Variants in ABCD4 observed in about 807,000 individuals in gnomAD.
ABCD4 encodes the protein ATP binding cassette subfamily D member 4, also known as lysosomal cobalamin transporter ABCD4.
In ABCD4, 53 loss-of-function variants were observed where a neutral mutation model predicts 86.3. The observed-to-expected ratio is 0.61, with a 90% CI of 0.49 to 0.77. The LOEUF (loss-of-function observed/expected upper bound fraction) is 0.77, where lower values mean the gene tolerates loss of function less well. ABCD4 is among the 30% of genes least tolerant of loss of function. ABCD4 has a pLI of 0.00. For missense variants in ABCD4, 757 were observed against 764.5 expected, an observed-to-expected ratio of 0.99 and a Z score of 0.12; for synonymous variants, 328 against 313.6, an observed-to-expected ratio of 1.05 and a Z score of -0.49.
At chr14:74,287,932 G>C (rs1323700497) in intron 16 of ABCD4, 46 bp from the exon 17 acceptor site, 3 of 1,548,904 alleles carry the variant, frequency 1.9e-6, no homozygotes, top group Non-Finnish European at 2.7e-6. Context: ...GAAGAATATA[G>C]CTTGGCTTTT....
At chr14:74,287,724 T>C in intron 17 of ABCD4, 86 bp downstream of exon 17, 6 of 1,261,150 alleles carry the variant, frequency 4.8e-6, no homozygotes, top group Non-Finnish European at 6.8e-6. Context: ...CATTCACAGG[T>C]GTGCCTGGGT....
rs776529140 is a variant in ABCD4, at chr14:74,297,932, G to A, written c.423C>T (p.Asn141=). Residue 141 remains asparagine (N), a splice_region_variant and synonymous_variant, in exon 4 of 19, where the codon AAC becomes AAT. Coordinates refer to ENST00000356924, the MANE Select transcript of ABCD4 (RefSeq NM_005050.4). ...TLNVLRDDID[N]PDQRISQDVE... is the part of the protein sequence containing the mutation. ...AAGGACTGAGTTGGGGCGCCTACGG[G>A]TTATCGATGTCATCCCGCAGCACGT... 2.5e-6 allele frequency: 4 copies of A among 1,613,160 alleles called. No individual in the cohort carries two copies. The highest frequency in any genetic ancestry group is 3.4e-6 in the Non-Finnish European group (4 of 1,179,722).
chr14:74,302,326 A>G (rs1012371037), intron 1 of ABCD4, among the ~76,000 whole-genome samples: 2 of 152,232 alleles, frequency 1.3e-5, no homozygotes, highest in African/African-American at 2.4e-5. Context: ...AATGTTGAGG[A>G]AAAAGGTTTA....
Position 74,290,494 on chromosome 14 carries a change from G to A in ABCD4, c.1124C>T (p.Pro375Leu), listed in dbSNP as rs941046002. The A allele has an allele frequency of 2.3e-5, 37 of 1,612,572 alleles. No individual in the cohort carries two copies. Among genetic ancestry groups the A allele is most frequent in the Non-Finnish European group, 3.1e-5 (37 of 1,179,948 alleles). ...TGCTGGCTCTGCCGCTGGCCACCCTGGGGGTCTGTGTCAGAGAAGAGAGGG... is the reference window on the plus strand; with the variant it reads ...TGCTGGCTCTGCCGCTGGCCACCCTAGGGGTCTGTGTCAGAGAAGAGAGGG... Reference protein sequence around the residue: ...GESEWGLDTPPGWPAAEPADT... With the variant: ...GESEWGLDTPLGWPAAEPADT... Residue 375 changes from proline (P) to leucine (L), a missense_variant, in exon 12 of 19, where the codon CCA becomes CTA. Coordinates refer to ENST00000356924, the MANE Select transcript of ABCD4 (RefSeq NM_005050.4).
At chr14:74,287,722 G>A (rs920408471) in intron 17 of ABCD4, 88 bp downstream of exon 17, 2 of 1,257,884 alleles carry the variant, frequency 1.6e-6, no homozygotes, top group African/African-American at 3.0e-5. Flanking sequence ...GCCATTCACA[G>A]GTGTGCCTGG....
At chr14:74,291,624 G>C (rs981167500) in intron 11 of ABCD4, among the ~76,000 whole-genome samples, 12 of 152,170 alleles carry the variant, frequency 7.9e-5, no homozygotes, top group African/African-American at 2.2e-4. Context: ...ACTCATGGTT[G>C]CATGAAGCTT....
chr14:74,293,197 A>T lies in ABCD4; in HGVS notation c.771T>A (p.Leu257=), dbSNP rs769814881. 3 of 1,614,158 alleles carry T rather than the reference A, an allele frequency of 1.9e-6. No homozygotes were observed. The highest frequency in any genetic ancestry group is 2.5e-6 in the Non-Finnish European group (3 of 1,180,030). ...TGGACATCAGCTCCCTCTGGGTCTG[A>T]AGGAGTCTCTGCAGCCTGCGGTCTG... The part of the protein sequence containing the change: ...MRTDRRLQRL[L]QTQRELMSKE... Residue 257 remains leucine (L), a synonymous_variant, in exon 8 of 19, where the codon CTT becomes CTA. Coordinates refer to ENST00000356924, the MANE Select transcript of ABCD4 (RefSeq NM_005050.4).
At chr14:74,292,426 T>C in intron 10 of ABCD4, 50 bp from the exon 11 acceptor site, 1 of 1,603,754 alleles carries the variant, frequency 6.2e-7, no homozygotes, top group Non-Finnish European at 8.5e-7. Flanking sequence ...CAGGTGAAGG[T>C]GAACTCCTTT....
In ABCD4 at chr14:74,290,315, C is replaced by A. The variant is rs746653976; in HGVS notation, c.1303G>T (p.Gly435Cys). The change falls in exon 12 of 19, where the codon GGT becomes TGT. Residue 435 changes from glycine (G) to cysteine (C), a missense_variant. Physicochemically the swap from Gly to Cys is radical, Grantham distance 159. Transcript: ENST00000356924. ...CCCCGTGTACTCGTCCAGAGGCCAC[C>A]CAGAACCCGGAGCAAGGAGGTCTTG... ...TGKTSLLRVL[G>C]GLWTSTRGSV... 1.4e-5 allele frequency: 23 copies of A among 1,614,036 alleles called. No individual in the cohort carries two copies. Among genetic ancestry groups the A allele is most frequent in the Non-Finnish European group, 1.8e-5 (21 of 1,180,042 alleles).
Position 74,288,209 on chromosome 14 carries a change from G to C in ABCD4, c.1557C>G (p.Asn519Lys). 1 of 1,612,194 alleles carries C rather than the reference G, an allele frequency of 6.2e-7. No individual in the cohort carries two copies. The highest frequency in any genetic ancestry group is 1.7e-5 in the Admixed American group (1 of 59,872). Residue 519 changes from asparagine (N) to lysine (K), a missense_variant and splice_region_variant, in exon 16 of 19, where the codon AAC becomes AAG. Asn to Lys is a moderately conservative substitution (Grantham distance 94). Transcript: ENST00000356924. ...GAGCACCCAAGCTCTTTTCTTACCA[G>C]TTCCAGTCCACCTGCTGGTCCAGGC... The part of the protein sequence containing the change: ...TEGLDQQVDW[N>K]WYDVLSPGEM...
rs2081747174 is a variant in ABCD4 at position 74,292,372 on chromosome 14, C to T, written c.1033G>A (p.Gly345Arg). 2 of 1,613,952 alleles carry T rather than the reference C, an allele frequency of 1.2e-6. No homozygotes were observed. Among genetic ancestry groups the T allele is most frequent in the Non-Finnish European group, 1.7e-6 (2 of 1,180,044 alleles). ...TCCAGAAGCGTCTCCCGAAGCTGCC[C>T]AATTCTGAACAAGAAAAGAAAATCT... ...SDVAGYTHRI[G>R]QLRETLLDMS... is the part of the protein sequence containing the mutation. The change falls in exon 11 of 19, where the codon GGG becomes AGG. Residue 345 changes from glycine to arginine, a missense_variant. Physicochemically the swap from Gly to Arg is moderately radical, Grantham distance 125. Transcript: ENST00000356924.
intron 11 of ABCD4, 66 bp downstream of exon 11, chr14:74,292,221 G>T: frequency 6.6e-7 from 1 of 1,520,764 alleles, no homozygotes; most frequent in South Asian, 1.1e-5. Context: ...GGACTCCAGG[G>T]TAACCCAAGC....
intron 15 of ABCD4, 68 bp from the exon 16 acceptor site, chr14:74,288,327 C>T: frequency 2.0e-6 from 3 of 1,466,458 alleles, no homozygotes; most frequent in South Asian, 2.4e-5. Flanking sequence ...TCATGGGGAA[C>T]CTCCCTCACT....
intron 18 of ABCD4, 49 bp from the exon 19 acceptor site, chr14:74,286,578 CAG>C: frequency 6.2e-7 from 1 of 1,612,430 alleles, no homozygotes; most frequent in South Asian, 1.1e-5. Flanking sequence ...TGGCCGCTGG[CAG>C]AGGAGGCCAC....
chr14:74,286,576 G>A (rs748172598), intron 18 of ABCD4, 47 bp from the exon 19 acceptor site: 46 of 1,612,346 alleles, frequency 2.9e-5, no homozygotes, highest in Non-Finnish European at 3.6e-5. Context: ...CCTGGCCGCT[G>A]GCAGAGGAGG....
chr14:74,293,283 G>A, intron 7 of ABCD4, 35 bp from the exon 8 acceptor site: 1 of 1,603,956 alleles, frequency 6.2e-7, no homozygotes. Flanking sequence ...CACAGGGCTG[G>A]AGAGGTTCAG....
At chr14:74,301,168 T>A (rs2084373521) in intron 1 of ABCD4, among the ~76,000 whole-genome samples, 1 of 150,422 alleles carries the variant, frequency 6.6e-6, no homozygotes, top group South Asian at 2.1e-4. Flanking sequence ...ATCTTTTTTT[T>A]TTTTTTTTTG....
At chr14:74,288,931 G>T in intron 14 of ABCD4, 166 bp from the exon 15 acceptor site, 1 of 958,812 alleles carries the variant, frequency 1.0e-6, no homozygotes, top group Non-Finnish European at 1.5e-6. Flanking sequence ...GGCCAACATG[G>T]TGAAACGCTG....
chr14:74,302,689 C>T (rs1205987099), intron 1 of ABCD4, among the ~76,000 whole-genome samples, 186 bp downstream of exon 1: 1 of 152,212 alleles, frequency 6.6e-6, no homozygotes, highest in Non-Finnish European at 1.5e-5. Context: ...GGGGCCGCGG[C>T]CGGTGCGGAG....
Sources: allele counts gnomAD v4.1 joint callset (sites outside exome capture counted in the v4.1 genomes callset), GRCh38; gene constraint gnomAD v4.1.1; transcripts MANE v1.5; gene names NCBI Gene and HGNC (gene_info 2026-07-23, HGNC 2026-07-21).